CTNNA2: variants seen among roughly 807,000 people sequenced by gnomAD.
CTNNA2 encodes catenin alpha-2.
CTNNA2 carries 42 observed loss-of-function variants against 101.0 expected under a neutral mutation model. That is an observed-to-expected ratio of 0.42 (90% CI 0.32 to 0.54). The LOEUF is 0.54. CTNNA2 is among the 20% of genes least tolerant of loss of function. The probability of loss-of-function intolerance (pLI) is 0.14; values close to 1 mark genes in which losing one functional copy is unlikely to be tolerated. For missense variants in CTNNA2, 871 were observed against 1,223.1 expected (o/e 0.71, Z 4.29); for synonymous variants, 450 against 456.4 (o/e 0.99, Z 0.18).
intron 4 of CTNNA2, among the ~76,000 whole-genome samples, chr2:79,436,216 T>C (rs1324838392): frequency 6.6e-6 from 1 of 152,202 alleles, no homozygotes; most frequent in Non-Finnish European, 1.5e-5. Flanking sequence ...CTTGGAGATG[T>C]CATCAGGAAG....
At position 79,302,755 on chromosome 2, in the gene CTNNA2, G is replaced by T. The variant is rs140874338; in HGVS notation, c.-405-9954G>T. 1.8e-3 allele frequency among the ~76,000 whole-genome samples: 268 copies of T among 152,226 alleles called. 1 individual carries two copies. Among genetic ancestry groups the T allele is most frequent in the African/African-American group, 5.7e-3 (236 of 41,544 alleles). ...TTCGGCACCAGGCATAAAGCTCAGTGATTTGCATAAATAGCTATCATTTCA... is the reference window on the plus strand; with the variant it reads ...TTCGGCACCAGGCATAAAGCTCAGTTATTTGCATAAATAGCTATCATTTCA... On this transcript the variant is annotated intron_variant, in intron 2 of 21. Coordinates refer to the CTNNA2 transcript ENST00000466387.
chr2:80,586,780 A>T (rs1177199693), intron 14 of CTNNA2, among the ~76,000 whole-genome samples: 2 of 152,218 alleles, frequency 1.3e-5, no homozygotes, highest in Admixed American at 1.3e-4. Context: ...ATTAAAATTT[A>T]CACGTACACA....
intron 4 of CTNNA2, among the ~76,000 whole-genome samples, chr2:79,429,181 A>C (rs1678624862): frequency 6.6e-6 from 1 of 152,192 alleles, no homozygotes; most frequent in Non-Finnish European, 1.5e-5. Flanking sequence ...CATTGTGTAC[A>C]CAATTAAAAC....
intron 7 of CTNNA2, among the ~76,000 whole-genome samples, chr2:80,361,784 C>A (rs1044880642): frequency 2.6e-5 from 4 of 152,050 alleles, no homozygotes; most frequent in African/African-American, 9.7e-5. Context: ...CCCCCAAAAC[C>A]TCTCCATGAA....
Position 80,011,710 on chromosome 2 carries a change from A to G in CTNNA2, c.1056+101913A>G, listed in dbSNP as rs1037784305. Among the ~76,000 whole-genome samples the G allele has an allele frequency of 4.6e-5, 7 of 152,200 alleles. 1 individual carries two copies. Among genetic ancestry groups the G allele is most frequent in the Admixed American group, 3.9e-4 (6 of 15,270 alleles). ...AAGTCATCATCTTTGTTACCTACAT[A>G]TAAGCAATAAAGTTGTTAAGAGTTC... On this transcript the variant is annotated intron_variant, in intron 7 of 18. Transcript: ENST00000402739.
intron 1 of CTNNA2, among the ~76,000 whole-genome samples, chr2:79,513,595 A>G (rs1671648124): frequency 6.6e-6 from 1 of 152,108 alleles, no homozygotes; most frequent in Non-Finnish European, 1.5e-5. Context: ...TTGGGTGCAT[A>G]TACTGAGAGA....
intron 2 of CTNNA2, among the ~76,000 whole-genome samples, chr2:79,743,708 A>G (rs904503746): frequency 1.4e-4 from 21 of 151,590 alleles, no homozygotes; most frequent in African/African-American, 5.1e-4. Flanking sequence ...TAATTTTTGT[A>G]TTTTTAGTAT....
chr2:79,270,126 C>T (rs996364957), intron 2 of CTNNA2, among the ~76,000 whole-genome samples: 2 of 151,710 alleles, frequency 1.3e-5, no homozygotes, highest in East Asian at 3.9e-4. Flanking sequence ...TTAGGCTCAG[C>T]CCAGGAAATC....
chr2:79,430,766 G>A (rs537683815), intron 4 of CTNNA2, among the ~76,000 whole-genome samples: 100 of 151,976 alleles, frequency 6.6e-4, no homozygotes, highest in Non-Finnish European at 1.1e-3. Flanking sequence ...GTATTAATCT[G>A]CAGCTATTCC....
At chr2:80,625,388 A>G (rs1303270019) in intron 18 of CTNNA2, among the ~76,000 whole-genome samples, 2 of 152,064 alleles carry the variant, frequency 1.3e-5, no homozygotes, top group Non-Finnish European at 2.9e-5. Context: ...TGGAGGAAAT[A>G]CTATCATCCC....
intron 1 of CTNNA2, among the ~76,000 whole-genome samples, chr2:79,517,464 A>G (rs1026717362): frequency 3.3e-5 from 5 of 152,204 alleles, no homozygotes; most frequent in African/African-American, 1.2e-4. Context: ...AGTCATAAAC[A>G]CAAATATATT....
chr2:79,806,810 A>C (rs964782057), intron 3 of CTNNA2, among the ~76,000 whole-genome samples: 10 of 151,826 alleles, frequency 6.6e-5, no homozygotes, highest in Admixed American at 6.6e-4. Flanking sequence ...TTGAGTTGAG[A>C]TCATATTTTC....
At chr2:80,424,079 C>T (rs1239692211) in intron 9 of CTNNA2, among the ~76,000 whole-genome samples, 3 of 152,104 alleles carry the variant, frequency 2.0e-5, no homozygotes, top group African/African-American at 7.2e-5. Flanking sequence ...CCTCAGCCTC[C>T]CAAGTAGCTT....
intron 9 of CTNNA2, among the ~76,000 whole-genome samples, chr2:80,445,702 C>G (rs1407132053): frequency 6.6e-6 from 1 of 152,178 alleles, no homozygotes; most frequent in African/African-American, 2.4e-5. Context: ...CTAGGGACCC[C>G]TACTTTGAGA....
chr2:79,290,443 G>T (rs1345380483), intron 2 of CTNNA2, among the ~76,000 whole-genome samples: 1 of 152,100 alleles, frequency 6.6e-6, no homozygotes, highest in Non-Finnish European at 1.5e-5. Flanking sequence ...CCTAGGTGAG[G>T]ACGGGCACTC....
chr2:79,609,130 A>G (rs1678100314), intron 1 of CTNNA2, among the ~76,000 whole-genome samples: 1 of 151,962 alleles, frequency 6.6e-6, no homozygotes, highest in Non-Finnish European at 1.5e-5. Context: ...AAATCTGACA[A>G]AAGAAGTGCA....
intron 2 of CTNNA2, among the ~76,000 whole-genome samples, chr2:79,666,205 A>AACTTCTTTCC (rs1682408477): frequency 6.6e-6 from 1 of 152,210 alleles, no homozygotes; most frequent in African/African-American, 2.4e-5. Flanking sequence ...TCTTTCCCAG[A>AACTTCTTTCC]AAAAAACAGG....
In CTNNA2 at chr2:80,381,690, T is replaced by G. The variant is rs368093735; in HGVS notation, c.1057-11521T>G. Among the ~76,000 whole-genome samples the G allele has an allele frequency of 7.4e-4, 113 of 152,312 alleles. 1 individual carries two copies. Among genetic ancestry groups the G allele is most frequent in the African/African-American group, 2.0e-3 (83 of 41,566 alleles). ...AAAGAGTCCTTGGTGCTCCCAAACC[T>G]TGTACTTCTTCTGCCCACTGGCACC... On this transcript the variant is annotated intron_variant, in intron 7 of 18. Transcript: ENST00000402739.
intron 3 of CTNNA2, among the ~76,000 whole-genome samples, chr2:79,786,974 T>C (rs1057117002): frequency 2.2e-4 from 34 of 152,214 alleles, no homozygotes; most frequent in Admixed American, 5.9e-4. Context: ...GCCTTGGCAT[T>C]ATCTCCCCTA....
Sources: gnomAD v4.1 joint callset for allele counts (sites outside exome capture counted in the v4.1 genomes callset) on GRCh38, gnomAD v4.1.1 for gene constraint, MANE v1.5 for transcripts, NCBI Gene and HGNC (gene_info 2026-07-23, HGNC 2026-07-21) for gene names.